The following CLIP4 variants were observed in gnomAD, a reference collection of about 807,000 sequenced individuals.
CLIP4 encodes CAP-Gly domain containing linker protein family member 4.
In CLIP4, 47 loss-of-function variants were observed where a neutral mutation model predicts 73.1. The observed-to-expected ratio is 0.64, with a 90% confidence interval of 0.51 to 0.82. CLIP4 has a LOEUF of 0.82. Among genes scored for constraint, CLIP4 ranks in the 40% least tolerant of loss-of-function variants. CLIP4 has a pLI of 0.00. For missense variants in CLIP4, 874 were observed against 852.9 expected, an observed-to-expected ratio of 1.02 and a Z score of -0.31; for synonymous variants, 306 against 295.4, an observed-to-expected ratio of 1.04 and a Z score of -0.37.
At chr2:29,137,250 A>G (rs1397797286) in intron 6 of CLIP4, among the ~76,000 whole-genome samples, 3 of 152,068 alleles carry the variant, frequency 2.0e-5, no homozygotes, top group Admixed American at 6.6e-5. Context: ...CCCAGTGTTC[A>G]GCTCCCACTA....
At chr2:29,151,456 AT>A (rs1558555038) in intron 8 of CLIP4, among the ~76,000 whole-genome samples, 1 of 152,118 alleles carries the variant, frequency 6.6e-6, no homozygotes, top group Non-Finnish European at 1.5e-5. Flanking sequence ...AAGGAAAATA[AT>A]TTAGAGAAAG....
At chr2:29,129,327 G>A (rs1664816395) in intron 2 of CLIP4, among the ~76,000 whole-genome samples, 1 of 152,080 alleles carries the variant, frequency 6.6e-6, no homozygotes. Context: ...CAAGTCACAT[G>A]AACTTGAAAA....
At chr2:29,159,507 A>G (rs1417025547) in intron 11 of CLIP4, among the ~76,000 whole-genome samples, 1 of 152,114 alleles carries the variant, frequency 6.6e-6, no homozygotes, top group Admixed American at 6.5e-5. Context: ...TAATAACAAA[A>G]TCACTTTAGG....
chr2:29,160,374 T>G lies in CLIP4; in HGVS notation c.1441T>G (p.Cys481Gly). ...SATSTANNSR[C>G]EGELRLGERV... The stretch of plus-strand genomic sequence containing the variant: ...AACATCTACAGCAAATAATAGCCGT[T>G]GCGAGGGGGAACTCCGCCTCGGAGA... The change falls in exon 12 of 16, where the codon TGC becomes GGC. Residue 481 changes from cysteine to glycine, a missense_variant. Cys to Gly is a radical substitution (Grantham distance 159, BLOSUM62 -3). Coordinates refer to ENST00000320081, the MANE Select transcript of CLIP4 (RefSeq NM_024692.6). The G allele has an allele frequency of 6.2e-7, 1 of 1,614,160 alleles. No individual in the cohort carries two copies. The highest frequency in any genetic ancestry group is 1.6e-4 in the Middle Eastern group (1 of 6,062).
In CLIP4 at chr2:29,183,056, T is replaced by G. The variant is rs1320487327; in HGVS notation, c.*1163T>G. 1 of 152,418 alleles carries G rather than the reference T, an allele frequency of 6.6e-6. No homozygotes were observed. The highest frequency in any genetic ancestry group is 1.5e-5 in the Non-Finnish European group (1 of 68,046). The allele number at this position is 152,418 out of a possible 1,614,324, so 9.4% of individuals were successfully genotyped here. A position where few individuals can be genotyped will look rare whatever the true frequency, so the allele number is the denominator to read the frequency against. On this transcript the variant is annotated 3_prime_UTR_variant, in exon 16 of 16. Coordinates refer to ENST00000320081, the MANE Select transcript of CLIP4 (RefSeq NM_024692.6). Reference sequence around the variant, plus strand: ...GCTACAGAACTGTATTGTTTTTATTTTCCTTCTTGAGCACATGTTAACAAA... The same window carrying G: ...GCTACAGAACTGTATTGTTTTTATTGTCCTTCTTGAGCACATGTTAACAAA...
At chr2:29,163,347 A>G (rs974762045) in intron 12 of CLIP4, among the ~76,000 whole-genome samples, 3 of 152,104 alleles carry the variant, frequency 2.0e-5, no homozygotes, top group Admixed American at 6.5e-5. Context: ...GGTATTTTCT[A>G]TAATATTTTT....
chr2:29,126,732 C>T (rs972513478), intron 2 of CLIP4, among the ~76,000 whole-genome samples: 1 of 152,186 alleles, frequency 6.6e-6, no homozygotes, highest in Non-Finnish European at 1.5e-5. Context: ...GGTGAATTCT[C>T]TAAGTGGCCC....
Position 29,156,434 on chromosome 2 carries a change from G to A in CLIP4, c.1246G>A (p.Glu416Lys). 4.5e-6 allele frequency: 7 copies of A among 1,571,660 alleles called. No homozygotes were observed. The highest frequency in any genetic ancestry group is 6.0e-6 in the Non-Finnish European group (7 of 1,166,048). ...PPGEELKTVT[E>K]KDVALLGSVS... ...TGGTGAAGAACTTAAAACTGTGACAGAGAAAGATGGTAATATACCTTGTAA... is the reference window on the plus strand; with the variant it reads ...TGGTGAAGAACTTAAAACTGTGACAAAGAAAGATGGTAATATACCTTGTAA... The change falls in exon 10 of 16, where the codon GAG becomes AAG. Residue 416 changes from glutamate to lysine, a missense_variant. Glu to Lys is a moderately conservative substitution (Grantham distance 56). Transcript: ENST00000320081.
intron 1 of CLIP4, among the ~76,000 whole-genome samples, chr2:29,098,417 C>G (rs1667941035): frequency 1.3e-5 from 2 of 152,222 alleles, no homozygotes; most frequent in South Asian, 4.1e-4. Context: ...TTCCCGCTCT[C>G]TTTCCCAGCC....
At chr2:29,100,118 A>C (rs1667997202) in intron 1 of CLIP4, among the ~76,000 whole-genome samples, 1 of 149,904 alleles carries the variant, frequency 6.7e-6, no homozygotes, top group Non-Finnish European at 1.5e-5. Context: ...TTGTAGAGAC[A>C]GGGTTTTCGC....
rs555479193 is a variant in CLIP4 at position 29,138,034 on chromosome 2, T to G, written c.648+2368T>G. Among the ~76,000 whole-genome samples, 9 of 152,272 alleles carry G rather than the reference T, an allele frequency of 5.9e-5. No individual in the cohort carries two copies. In the South Asian group the frequency reaches 1.9e-3, roughly 32 times the overall value. ...ATGAGGTCCTGTTTGACAATTTTTG[T>G]TTTTGTTGCCTTCGCTTTTGAGGAC... is the stretch of plus-strand genomic sequence containing the variant. On this transcript the variant is annotated intron_variant, in intron 6 of 15. Transcript: ENST00000320081.
At chr2:29,167,434 G>T in intron 13 of CLIP4, 42 bp from the exon 14 acceptor site, 1 of 994,082 alleles carries the variant, frequency 1.0e-6, no homozygotes, top group Non-Finnish European at 1.5e-6. Flanking sequence ...TAAACCTGAA[G>T]ACCAGCTACT....
At chr2:29,173,334 T>A (rs11694384) in intron 14 of CLIP4, among the ~76,000 whole-genome samples, 68,017 of 152,164 alleles carry the variant, frequency 0.45, 16,711 homozygotes, top group East Asian at 0.91. Context: ...TTCCTTTGTC[T>A]TCATCTGAAC....
Position 29,131,367 on chromosome 2 carries a change from C to T in CLIP4, c.243C>T (p.Val81=). ...FAILRQWVPQ[V]QQNIDIIGNE... ...TTTTGAGACAGTGGGTTCCTCAGGT[C>T]CAACAAAACATTGACATTATTGGAA... is the stretch of plus-strand genomic sequence containing the variant. Residue 81 remains valine (V), a synonymous_variant, in exon 3 of 16, where the codon GTC becomes GTT. Coordinates refer to ENST00000320081, the MANE Select transcript of CLIP4 (RefSeq NM_024692.6). 2 of 1,602,698 alleles carry T rather than the reference C, an allele frequency of 1.2e-6. No individual in the cohort carries two copies. The highest frequency in any genetic ancestry group is 8.5e-7 in the Non-Finnish European group (1 of 1,176,328).
chr2:29,144,506 C>T (rs944821935), intron 7 of CLIP4, among the ~76,000 whole-genome samples: 2 of 152,052 alleles, frequency 1.3e-5, no homozygotes, highest in African/African-American at 4.8e-5. Flanking sequence ...TTAAAAATAT[C>T]TCATATGGGA....
chr2:29,117,865 A>G (rs1663974692), intron 1 of CLIP4, among the ~76,000 whole-genome samples: 1 of 152,228 alleles, frequency 6.6e-6, no homozygotes, highest in Admixed American at 6.5e-5. Flanking sequence ...TTACCTTTGC[A>G]TAGCTTAGAA....
At chr2:29,164,506 G>A (rs1573004636) in intron 13 of CLIP4, among the ~76,000 whole-genome samples, 2 of 152,024 alleles carry the variant, frequency 1.3e-5, no homozygotes, top group Non-Finnish European at 2.9e-5. Context: ...CACCTCATCC[G>A]GTTTTAAAAA....
At chr2:29,173,975 A>C (rs1007527211) in intron 14 of CLIP4, among the ~76,000 whole-genome samples, 1 of 152,200 alleles carries the variant, frequency 6.6e-6, no homozygotes, top group Non-Finnish European at 1.5e-5. Flanking sequence ...TTTTTAAGAA[A>C]TCTTATAATG....
chr2:29,141,435 C>T (rs1175149214), intron 6 of CLIP4, among the ~76,000 whole-genome samples: 1 of 152,158 alleles, frequency 6.6e-6, no homozygotes, highest in Non-Finnish European at 1.5e-5. Flanking sequence ...AAGTCACCCA[C>T]TATTATTGTG....
Sources: gnomAD v4.1 joint callset for allele counts (sites outside exome capture counted in the v4.1 genomes callset) on GRCh38, gnomAD v4.1.1 for gene constraint, MANE v1.5 for transcripts, NCBI Gene and HGNC (gene_info 2026-07-23, HGNC 2026-07-21) for gene names.